The following GALNT1 variants were observed in gnomAD, a reference collection of about 807,000 sequenced individuals.
GALNT1 encodes polypeptide N-acetylgalactosaminyltransferase 1.
GALNT1 carries 17 observed loss-of-function variants against 65.7 expected under a neutral mutation model. That is an observed-to-expected ratio of 0.26 (90% CI 0.18 to 0.39). The LOEUF is 0.39. GALNT1 is among the 10% of genes least tolerant of loss of function. GALNT1 has a pLI of 1.00. For missense variants in GALNT1, 460 were observed against 672.8 expected, an observed-to-expected ratio of 0.68 and a Z score of 3.50; for synonymous variants, 210 against 219.7, an observed-to-expected ratio of 0.96 and a Z score of 0.39.
intron 1 of GALNT1, among the ~76,000 whole-genome samples, chr18:35,582,552 A>G (rs1055817974): frequency 4.6e-5 from 7 of 152,236 alleles, no homozygotes; most frequent in African/African-American, 1.4e-4. Flanking sequence ...TCTCAAAGCC[A>G]CTGAGCTAAC....
At position 35,691,003 on chromosome 18, in the gene GALNT1, T is replaced by C. The variant is rs200543896; in HGVS notation, c.979-9T>C. 1,011 of 1,584,754 alleles carry C rather than the reference T, an allele frequency of 6.4e-4. 12 individuals are homozygous for C. Among genetic ancestry groups the C allele is most frequent in the Admixed American group, 4.7e-4 (25 of 53,564 alleles). Reference sequence around the variant, plus strand: ...CTACATGTTACATGGTCATCTCTGCTGTTTTCAGATTTGGCAGTGTGGAGG... The same window carrying C: ...CTACATGTTACATGGTCATCTCTGCCGTTTTCAGATTTGGCAGTGTGGAGG... On this transcript the variant is annotated splice_polypyrimidine_tract_variant and intron_variant, in intron 7 of 11. Coordinates refer to ENST00000269195, the MANE Select transcript of GALNT1 (RefSeq NM_020474.4).
chr18:35,690,806 A>G (rs570653504), intron 7 of GALNT1, among the ~76,000 whole-genome samples: 227 of 152,324 alleles, frequency 1.5e-3, no homozygotes, highest in African/African-American at 5.3e-3. Context: ...TATCAATGTC[A>G]TATATGGTCT....
chr18:35,595,880 T>C (rs1654253170), intron 1 of GALNT1: 1 of 152,212 alleles, frequency 6.6e-6, no homozygotes, highest in Non-Finnish European at 1.5e-5. Context: ...TTTTCTGAAT[T>C]AGAATATTAT....
At chr18:35,692,386 T>G (rs1351890723) in intron 9 of GALNT1, 66 bp downstream of exon 9, 1 of 1,025,292 alleles carries the variant, frequency 9.8e-7, no homozygotes, top group African/African-American at 1.7e-5. Flanking sequence ...TAAAAAAAAA[T>G]AGGAGTTAGT....
In GALNT1 at chr18:35,710,851, A is replaced by G. The variant is rs1020228635; in HGVS notation, c.*1081A>G. 2 of 152,682 alleles carry G rather than the reference A, an allele frequency of 1.3e-5. No individual in the cohort carries two copies. The highest frequency in any genetic ancestry group is 4.8e-5 in the African/African-American group (2 of 41,466). 9.5% of individuals were successfully genotyped at this position (152,682 alleles called of 1,614,324 possible). A position where few individuals can be genotyped will look rare whatever the true frequency, so the allele number is the denominator to read the frequency against. On this transcript the variant is annotated 3_prime_UTR_variant, in exon 12 of 12. Coordinates refer to ENST00000269195, the MANE Select transcript of GALNT1 (RefSeq NM_020474.4). The stretch of plus-strand genomic sequence containing the variant: ...TGATTTATTATTTGGGTATTTGGAG[A>G]TAATACATTTGATGGTTTTTTGGAA...
At chr18:35,604,551 C>T (rs1006163204) in intron 1 of GALNT1, among the ~76,000 whole-genome samples, 2 of 152,218 alleles carry the variant, frequency 1.3e-5, no homozygotes, top group African/African-American at 4.8e-5. Context: ...ATAAGCATTT[C>T]CTTTTCCCTA....
chr18:35,624,846 A>T (rs903013635), intron 1 of GALNT1, among the ~76,000 whole-genome samples: 7 of 152,188 alleles, frequency 4.6e-5, no homozygotes, highest in Non-Finnish European at 8.8e-5. Flanking sequence ...CTCACATGAT[A>T]CGTTTTCTGG....
chr18:35,594,903 A>G (rs1250385123), intron 1 of GALNT1, among the ~76,000 whole-genome samples: 3 of 152,196 alleles, frequency 2.0e-5, no homozygotes, highest in Non-Finnish European at 4.4e-5. Flanking sequence ...ACAGAGGACA[A>G]ATCAGGATTG....
chr18:35,680,371 A>T (rs565285448), intron 4 of GALNT1, among the ~76,000 whole-genome samples: 1 of 151,528 alleles, frequency 6.6e-6, no homozygotes, highest in Admixed American at 6.6e-5. Flanking sequence ...ATCTCATAAC[A>T]CTCTACTCCT....
chr18:35,636,059 CTTTA>C (rs1233265672), intron 1 of GALNT1, among the ~76,000 whole-genome samples: 1 of 152,022 alleles, frequency 6.6e-6, no homozygotes, highest in African/African-American at 2.4e-5. Flanking sequence ...ATCTTTGCCG[CTTTA>C]TTTATTGCTA....
chr18:35,631,426 C>T (rs1344117072), intron 1 of GALNT1, among the ~76,000 whole-genome samples: 1 of 152,054 alleles, frequency 6.6e-6, no homozygotes, highest in East Asian at 1.9e-4. Flanking sequence ...AAATGTAATC[C>T]AGCATATAAA....
chr18:35,589,826 A>G (rs2046422479), intron 1 of GALNT1, among the ~76,000 whole-genome samples: 2 of 152,230 alleles, frequency 1.3e-5, no homozygotes, highest in East Asian at 3.8e-4. Context: ...TGTGTAAAAT[A>G]TGAATTGCAA....
At position 35,683,544 on chromosome 18, in the gene GALNT1, G is replaced by A; in HGVS notation, c.635G>A (p.Cys212Tyr). 1 of 1,613,816 alleles carries A rather than the reference G, an allele frequency of 6.2e-7. No individual in the cohort carries two copies. The highest frequency in any genetic ancestry group is 8.5e-7 in the Non-Finnish European group (1 of 1,179,802). Residue 212 changes from cysteine (C) to tyrosine (Y), a missense_variant, in exon 5 of 12, where the codon TGT (cysteine) becomes TAT (tyrosine). Coordinates refer to ENST00000269195, the MANE Select transcript of GALNT1 (RefSeq NM_020474.4). Reference sequence around the variant, plus strand: ...GTGATCACCTTCCTGGATGCCCATTGTGAGTGTACAGTGGGATGGCTGGAG... The same window carrying A: ...GTGATCACCTTCCTGGATGCCCATTATGAGTGTACAGTGGGATGGCTGGAG... ...GQVITFLDAH[C>Y]ECTVGWLEPL... is the part of the protein sequence containing the mutation.
intron 9 of GALNT1, among the ~76,000 whole-genome samples, chr18:35,696,108 ATTAAC>A (rs1371285290): frequency 6.6e-6 from 1 of 152,160 alleles, no homozygotes; most frequent in Non-Finnish European, 1.5e-5. Flanking sequence ...TTATCGCCTT[ATTAAC>A]TTAACAGCTG....
intron 1 of GALNT1, among the ~76,000 whole-genome samples, chr18:35,636,686 T>G (rs193165467): frequency 6.6e-6 from 1 of 150,698 alleles, no homozygotes; most frequent in East Asian, 2.0e-4. Flanking sequence ...TTGGACAAAA[T>G]AAATATCCAG....
intron 9 of GALNT1, among the ~76,000 whole-genome samples, chr18:35,696,422 T>C (rs189671623): frequency 1.4e-4 from 21 of 152,378 alleles, no homozygotes; most frequent in Admixed American, 1.0e-3. Context: ...TTAGGGCATC[T>C]GGCTTCAGCT....
chr18:35,711,324 T>A lies in GALNT1; in HGVS notation c.*1554T>A, dbSNP rs2048347665. The stretch of plus-strand genomic sequence containing the variant: ...TATCAAGGACTTTCACTGCAGGCAG[T>A]GCTATTTCTTGTGCCTAAGAATGTT... On this transcript the variant is annotated 3_prime_UTR_variant, in exon 12 of 12. Coordinates refer to ENST00000269195, the MANE Select transcript of GALNT1 (RefSeq NM_020474.4). 1 of 152,680 alleles carries A rather than the reference T, an allele frequency of 6.5e-6. No homozygotes were observed. Among genetic ancestry groups the A allele is most frequent in the African/African-American group, 2.4e-5 (1 of 41,468 alleles). 9.5% of individuals were successfully genotyped at this position (152,680 alleles called of 1,614,324 possible). A position where few individuals can be genotyped will look rare whatever the true frequency, so the allele number is the denominator to read the frequency against.
chr18:35,679,397 T>C (rs925945186), intron 4 of GALNT1, among the ~76,000 whole-genome samples: 36 of 152,176 alleles, frequency 2.4e-4, no homozygotes, highest in African/African-American at 8.7e-4. Context: ...TAATAAGTTT[T>C]TGTAGAATAT....
In GALNT1 at chr18:35,627,879, G is replaced by A. The variant is rs530019264; in HGVS notation, c.-103-26681G>A. On this transcript the variant is annotated intron_variant, in intron 1 of 11. Coordinates refer to ENST00000269195, the MANE Select transcript of GALNT1 (RefSeq NM_020474.4). ...CGGGTCACTCCCACCCTAATACTGCGCTTTTCTGATGGTCTTAGCAAACGG... is the reference window on the plus strand; with the variant it reads ...CGGGTCACTCCCACCCTAATACTGCACTTTTCTGATGGTCTTAGCAAACGG... 1.1e-4 allele frequency among the ~76,000 whole-genome samples: 17 copies of A among 152,264 alleles called. 1 individual carries two copies. In the South Asian group the frequency reaches 3.3e-3, roughly 30 times the overall value.
Sources: gnomAD v4.1 joint callset for allele counts (sites outside exome capture counted in the v4.1 genomes callset) on GRCh38, gnomAD v4.1.1 for gene constraint, MANE v1.5 for transcripts, NCBI Gene and HGNC (gene_info 2026-07-23, HGNC 2026-07-21) for gene names.